TRPC6: variants seen among roughly 807,000 people sequenced by gnomAD.
The protein encoded by TRPC6 is short transient receptor potential channel 6.
A neutral mutation model predicts 90.7 loss-of-function variants in TRPC6; 55 were observed. The ratio of observed to expected loss-of-function variants is 0.61; its 90% CI spans 0.49 to 0.76. The LOEUF (loss-of-function observed/expected upper bound fraction) is 0.76, where lower values mean the gene tolerates loss of function less well. Among genes scored for constraint, TRPC6 ranks in the 30% least tolerant of loss-of-function variants. TRPC6 has a pLI of 0.00. For missense variants in TRPC6, 989 were observed against 1,122.7 expected, an observed-to-expected ratio of 0.88 and a Z score of 1.70; for synonymous variants, 393 against 393.0, an observed-to-expected ratio of 1.00 and a Z score of 0.00.
rs147483692 is a variant in TRPC6, at chr11:101,485,263, T to G, written c.1294-2098A>C. ...AGATAAGATCACCTACTGAATTGATTCAAGGAGTATTTTTGTTTTTTTTTT... is the reference window on the plus strand; with the variant it reads ...AGATAAGATCACCTACTGAATTGATGCAAGGAGTATTTTTGTTTTTTTTTT... On this transcript the variant is annotated intron_variant, in intron 4 of 12. Coordinates refer to ENST00000344327, the MANE Select transcript of TRPC6 (RefSeq NM_004621.6). Among the ~76,000 whole-genome samples the G allele has an allele frequency of 1.5e-3, 222 of 143,394 alleles. 1 individual carries two copies. The highest frequency in any genetic ancestry group is 5.9e-3 in the African/African-American group (213 of 36,102). 94.1% of individuals were successfully genotyped at this position (143,394 alleles called of 152,430 possible).
intron 4 of TRPC6, among the ~76,000 whole-genome samples, chr11:101,484,837 T>G (rs894426308): frequency 3.9e-5 from 6 of 152,124 alleles, no homozygotes; most frequent in Admixed American, 2.6e-4. Context: ...AAATTTTTGT[T>G]ATAAGATACA....
chr11:101,558,014 A>T (rs757499220), intron 1 of TRPC6, among the ~76,000 whole-genome samples: 2 of 151,998 alleles, frequency 1.3e-5, no homozygotes, highest in South Asian at 2.1e-4. Flanking sequence ...CATTTTTCAT[A>T]AAAAGAGAAA....
At chr11:101,507,536 G>A (rs1046623949) in intron 1 of TRPC6, among the ~76,000 whole-genome samples, 1 of 152,000 alleles carries the variant, frequency 6.6e-6, no homozygotes, top group Non-Finnish European at 1.5e-5. Flanking sequence ...TCCAACAGCT[G>A]TCTAATAAAG....
chr11:101,564,836 A>T (rs1373982790), intron 1 of TRPC6, among the ~76,000 whole-genome samples: 1 of 152,114 alleles, frequency 6.6e-6, no homozygotes, highest in East Asian at 1.9e-4. Flanking sequence ...AAGTTATAGT[A>T]ATCAAAACAA....
At chr11:101,492,410 C>T (rs552758182) in intron 2 of TRPC6, among the ~76,000 whole-genome samples, 12 of 152,158 alleles carry the variant, frequency 7.9e-5, no homozygotes, top group South Asian at 6.2e-4. Context: ...ATGGCAAAAC[C>T]TTGTCTCTAA....
At chr11:101,516,886 C>T (rs1486974460) in intron 1 of TRPC6, among the ~76,000 whole-genome samples, 1 of 152,220 alleles carries the variant, frequency 6.6e-6, no homozygotes, top group Non-Finnish European at 1.5e-5. Context: ...ACCTCAGAGG[C>T]GAGAGAGGGC....
chr11:101,482,051 C>T (rs528380682), intron 5 of TRPC6, among the ~76,000 whole-genome samples: 2 of 152,310 alleles, frequency 1.3e-5, no homozygotes, highest in African/African-American at 4.8e-5. Flanking sequence ...GGAAGGGCTT[C>T]TTGCCCCTTC....
At chr11:101,498,535 A>C (rs1053016442) in intron 2 of TRPC6, among the ~76,000 whole-genome samples, 1 of 152,062 alleles carries the variant, frequency 6.6e-6, no homozygotes, top group African/African-American at 2.4e-5. Context: ...ACAGGATAAA[A>C]CTGCCTCAGA....
At chr11:101,491,302 T>C (rs1021688568) in intron 3 of TRPC6, 23 of 359,054 alleles carry the variant, frequency 6.4e-5, no homozygotes, top group Admixed American at 1.6e-4. Flanking sequence ...GGCGTGGTGG[T>C]GGGCGCCTGT....
chr11:101,533,840 A>G (rs1860970378), intron 1 of TRPC6, among the ~76,000 whole-genome samples: 1 of 152,124 alleles, frequency 6.6e-6, no homozygotes, highest in African/African-American at 2.4e-5. Flanking sequence ...TCAGCCCAAT[A>G]TCAAAGGCCA....
At chr11:101,583,068 G>A in intron 1 of TRPC6, 1 of 624,836 alleles carries the variant, frequency 1.6e-6, no homozygotes, top group Non-Finnish European at 2.0e-6. Context: ...CAATGGTGGT[G>A]TTACTATGCG....
At chr11:101,482,047 G>T (rs560499956) in intron 5 of TRPC6, among the ~76,000 whole-genome samples, 8 of 152,252 alleles carry the variant, frequency 5.3e-5, no homozygotes, top group Non-Finnish European at 1.0e-4. Context: ...CCCAGGAAGG[G>T]CTTCTTGCCC....
chr11:101,552,032 C>T (rs1861461048), intron 1 of TRPC6, among the ~76,000 whole-genome samples: 1 of 152,034 alleles, frequency 6.6e-6, no homozygotes, highest in African/African-American at 2.4e-5. Flanking sequence ...CCAACTTTGG[C>T]CCAGGAGGTT....
chr11:101,513,769 C>G (rs1390024684), intron 1 of TRPC6, among the ~76,000 whole-genome samples: 2 of 152,118 alleles, frequency 1.3e-5, no homozygotes, highest in African/African-American at 4.8e-5. Context: ...AGTTGATGTT[C>G]ATATGAGGCT....
intron 1 of TRPC6, among the ~76,000 whole-genome samples, chr11:101,512,927 C>T (rs552501831): frequency 6.6e-6 from 1 of 151,894 alleles, no homozygotes; most frequent in East Asian, 1.9e-4. Context: ...AAAAAACACA[C>T]TTCAATTATA....
At chr11:101,579,754 T>C (rs1416034765) in intron 1 of TRPC6, among the ~76,000 whole-genome samples, 1 of 152,192 alleles carries the variant, frequency 6.6e-6, no homozygotes, top group Non-Finnish European at 1.5e-5. Context: ...GGTGGGCATA[T>C]ATTTCTAGCC....
chr11:101,515,474 A>G (rs1210067880), intron 1 of TRPC6, among the ~76,000 whole-genome samples: 1 of 152,180 alleles, frequency 6.6e-6, no homozygotes, highest in Non-Finnish European at 1.5e-5. Context: ...ATATTCTTTA[A>G]ACCTGAACTT....
chr11:101,535,585 T>C (rs1861027366), intron 1 of TRPC6, among the ~76,000 whole-genome samples: 1 of 152,202 alleles, frequency 6.6e-6, no homozygotes, highest in Admixed American at 6.5e-5. Context: ...AGGATATGAC[T>C]TAATAGTTTT....
chr11:101,453,609 ACT>A (rs1206345163), intron 12 of TRPC6, 39 bp downstream of exon 12: 5 of 1,584,154 alleles, frequency 3.2e-6, no homozygotes, highest in African/African-American at 1.3e-5. Flanking sequence ...CCCCGTCCTG[ACT>A]CACATTCAGG....
Sources: gnomAD v4.1 joint callset for allele counts (sites outside exome capture counted in the v4.1 genomes callset) on GRCh38, gnomAD v4.1.1 for gene constraint, MANE v1.5 for transcripts, NCBI Gene and HGNC (gene_info 2026-07-23, HGNC 2026-07-21) for gene names.